MAS1: variants seen among roughly 807,000 people sequenced by gnomAD.
The protein encoded by MAS1 is MAS1 proto-oncogene, G protein-coupled receptor, also known as proto-oncogene Mas.
For synonymous variants in MAS1, 163 were observed against 164.2 expected, an observed-to-expected ratio of 0.99 and a Z score of 0.05; for missense variants, 387 against 409.7, an observed-to-expected ratio of 0.94 and a Z score of 0.48.
chr6:159,907,543 C>A lies in MAS1; in HGVS notation c.588C>A (p.Phe196Leu). The change falls in exon 3 of 3, where the codon TTC becomes TTA. Residue 196 changes from phenylalanine (F) to leucine (L), a missense_variant. Physicochemically the swap from Phe to Leu is conservative, Grantham distance 22. Coordinates refer to ENST00000674077, the MANE Select transcript of MAS1 (RefSeq NM_002377.4). ...AVIIFIAILS[F>L]LVFTPLMLVS... ...TCATCTTTATAGCCATCCTGAGCTTCCTGGTCTTCACGCCCCTCATGCTGG... is the reference window on the plus strand; with the variant it reads ...TCATCTTTATAGCCATCCTGAGCTTACTGGTCTTCACGCCCCTCATGCTGG... The A allele has an allele frequency of 1.1e-5, 18 of 1,614,058 alleles. No homozygotes were observed. Among genetic ancestry groups the A allele is most frequent in the Non-Finnish European group, 1.5e-5 (18 of 1,180,020 alleles).
At chr6:159,904,144 C>T (rs1480361398) in intron 2 of MAS1, among the ~76,000 whole-genome samples, 2 of 152,044 alleles carry the variant, frequency 1.3e-5, no homozygotes, top group Admixed American at 1.3e-4. Context: ...CTCCTTCTTC[C>T]TCCTCATCTC....
Position 159,891,144 on chromosome 6 carries a change from G to A in MAS1, c.-244+11G>A, listed in dbSNP as rs73586494. On this transcript the variant is annotated intron_variant, in intron 1 of 2. Coordinates refer to ENST00000674077, the MANE Select transcript of MAS1 (RefSeq NM_002377.4). Reference sequence around the variant, plus strand: ...GAGCAAATGACACCAGTGAGTCTGCGTCCCAGTTTTTCATTGCTTAGCTGT... The same window carrying A: ...GAGCAAATGACACCAGTGAGTCTGCATCCCAGTTTTTCATTGCTTAGCTGT... 8.1e-4 allele frequency among the ~76,000 whole-genome samples: 123 copies of A among 152,302 alleles called. 1 individual carries two copies. The highest frequency in any genetic ancestry group is 2.1e-3 in the African/African-American group (89 of 41,560).
At chr6:159,898,786 T>G (rs1020121869) in intron 1 of MAS1, among the ~76,000 whole-genome samples, 6 of 147,188 alleles carry the variant, frequency 4.1e-5, no homozygotes, top group African/African-American at 1.5e-4. Context: ...CCCTTCTCCC[T>G]TCTTCTCCTT....
chr6:159,895,679 C>A (rs1261954908), intron 1 of MAS1, among the ~76,000 whole-genome samples: 1 of 152,130 alleles, frequency 6.6e-6, no homozygotes, highest in Non-Finnish European at 1.5e-5. Context: ...TATCTTTTAT[C>A]ATCTATCAAA....
intron 2 of MAS1, among the ~76,000 whole-genome samples, chr6:159,901,557 C>G (rs551857187): frequency 6.6e-5 from 10 of 152,134 alleles, no homozygotes; most frequent in African/African-American, 1.7e-4. Context: ...TATGATTGCA[C>G]CATTGTACTC....
chr6:159,916,402 A>G lies in MAS1; in HGVS notation c.*8469A>G, dbSNP rs1783024751. ...TGAATTTCAGTTTGAGGAGATGAAA[A>G]TGTTCTGGGGATCTATTGCACAACA... is the stretch of plus-strand genomic sequence containing the variant. On this transcript the variant is annotated 3_prime_UTR_variant, in exon 3 of 3. Coordinates refer to ENST00000674077, the MANE Select transcript of MAS1 (RefSeq NM_002377.4). 6.6e-6 allele frequency: 1 copy of G among 152,150 alleles called. No individual in the cohort carries two copies. The highest frequency in any genetic ancestry group is 1.5e-5 in the Non-Finnish European group (1 of 68,036). The allele number at this position is 152,150 out of a possible 1,614,324, so 9.4% of individuals were successfully genotyped here. A position where few individuals can be genotyped will look rare whatever the true frequency, so the allele number is the denominator to read the frequency against.
At chr6:159,906,552 C>T (rs766947351) in intron 2 of MAS1, 16 of 162,418 alleles carry the variant, frequency 9.9e-5, no homozygotes, top group Non-Finnish European at 1.7e-4. Flanking sequence ...AAATGATTTT[C>T]AAAATGCCAT....
upstream of MAS1, among the ~76,000 whole-genome samples, chr6:159,889,590 G>A (rs1303927683): frequency 6.6e-6 from 1 of 152,094 alleles, no homozygotes; most frequent in Admixed American, 6.5e-5. Context: ...CTTCTTTTCT[G>A]CCTTGCAGTC....
Position 159,908,952 on chromosome 6 carries a change from C to G in MAS1, c.*1019C>G, listed in dbSNP as rs1163276640. 8 of 150,908 alleles carry G rather than the reference C, an allele frequency of 5.3e-5. No individual in the cohort carries two copies. The highest frequency in any genetic ancestry group is 1.2e-4 in the Non-Finnish European group (8 of 67,928). The allele number at this position is 150,908 out of a possible 1,614,324, so 9.3% of individuals were successfully genotyped here. ...TGCAGCCAAGTGCGGGTCTCTGCAC[C>G]TGTCTGCCTCCTCTCCTCCTGAGGC... is the stretch of plus-strand genomic sequence containing the variant. On this transcript the variant is annotated 3_prime_UTR_variant, in exon 3 of 3. Transcript: ENST00000674077.
Position 159,909,420 on chromosome 6 carries a change from G to C in MAS1, c.*1487G>C, listed in dbSNP as rs1032513155. 6 of 152,200 alleles carry C rather than the reference G, an allele frequency of 3.9e-5. No homozygotes were observed. The highest frequency in any genetic ancestry group is 7.3e-5 in the Non-Finnish European group (5 of 68,034). 9.4% of individuals were successfully genotyped at this position (152,200 alleles called of 1,614,324 possible). ...CTCTTCCTTTCTCAAAAGAAATGAT[G>C]TGGGGCAGCTTCGCTGGGGGAGAGG... On this transcript the variant is annotated 3_prime_UTR_variant, in exon 3 of 3. Coordinates refer to ENST00000674077, the MANE Select transcript of MAS1 (RefSeq NM_002377.4).
At chr6:159,890,402 G>A (rs138389050), upstream of MAS1, among the ~76,000 whole-genome samples, 77 of 152,278 alleles carry the variant, frequency 5.1e-4, no homozygotes, top group African/African-American at 1.7e-3. Flanking sequence ...CGCAGTCTGG[G>A]CATGGCCAAT....
chr6:159,895,617 A>G (rs1046569228), intron 1 of MAS1, among the ~76,000 whole-genome samples: 1 of 152,260 alleles, frequency 6.6e-6, no homozygotes, highest in South Asian at 2.1e-4. Flanking sequence ...CCGTTAACAT[A>G]AAAGAATGTC....
At chr6:159,895,654 C>T (rs1782747206) in intron 1 of MAS1, among the ~76,000 whole-genome samples, 1 of 151,904 alleles carries the variant, frequency 6.6e-6, no homozygotes, top group Non-Finnish European at 1.5e-5. Flanking sequence ...CAAATAAATG[C>T]AAATTAAAAC....
At chr6:159,893,910 A>G (rs1312972433) in intron 1 of MAS1, among the ~76,000 whole-genome samples, 1 of 152,046 alleles carries the variant, frequency 6.6e-6, no homozygotes, top group Non-Finnish European at 1.5e-5. Context: ...GGGACATACA[A>G]GATTATGGTA....
rs929286979 is a variant in MAS1, at chr6:159,907,760, T to G, written c.805T>G (p.Ser269Ala). Residue 269 changes from serine to alanine, a missense_variant, in exon 3 of 3, where the codon TCC becomes GCC. By Grantham distance (99) the Ser-to-Ala change is moderately conservative. Transcript: ENST00000674077. ...CCTACACCACATTTCCCTGCTCTTC[T>G]CCACAATCAACAGTAGCGCCAACCC... ...GNLHHISLLF[S>A]TINSSANPFI... 2.5e-6 allele frequency: 4 copies of G among 1,613,686 alleles called. No homozygotes were observed. The highest frequency in any genetic ancestry group is 3.4e-6 in the Non-Finnish European group (4 of 1,179,958).
At chr6:159,900,596 G>A (rs990143473) in intron 2 of MAS1, among the ~76,000 whole-genome samples, 1 of 152,158 alleles carries the variant, frequency 6.6e-6, no homozygotes, top group Non-Finnish European at 1.5e-5. Flanking sequence ...TAGTTTTAAT[G>A]GAATTTTTTA....
Position 159,911,328 on chromosome 6 carries a change from C to CCT in MAS1, c.*3395_*3396insCT, listed in dbSNP as rs1782961889. 2.1e-5 allele frequency: 2 copies of CCT among 94,532 alleles called. No individual in the cohort carries two copies. The highest frequency in any genetic ancestry group is 4.0e-5 in the Non-Finnish European group (2 of 50,426). 5.9% of individuals were successfully genotyped at this position (94,532 alleles called of 1,614,324 possible). ...TTCTTTTTTCTTTTCTTTTCTTTTC[C>CCT]TTTTTTTTTTTTTTTTTTTTTTTTG... On this transcript the variant is annotated 3_prime_UTR_variant, in exon 3 of 3. Coordinates refer to ENST00000674077, the MANE Select transcript of MAS1 (RefSeq NM_002377.4).
chr6:159,895,250 G>A (rs773509624), intron 1 of MAS1, among the ~76,000 whole-genome samples: 5 of 152,160 alleles, frequency 3.3e-5, no homozygotes, highest in Admixed American at 1.3e-4. Context: ...TCCAGGCTCT[G>A]CTGCTGCCTT....
Position 159,910,216 on chromosome 6 carries a change from T to A in MAS1, c.*2283T>A, listed in dbSNP as rs1459612127. On this transcript the variant is annotated 3_prime_UTR_variant, in exon 3 of 3. Transcript: ENST00000674077. Reference sequence around the variant, plus strand: ...AACTGAACGGGAAGGGTTTGTAGCATTCCTACTACAAAGATTCATGCACAG... The same window carrying A: ...AACTGAACGGGAAGGGTTTGTAGCAATCCTACTACAAAGATTCATGCACAG... 2.6e-5 allele frequency: 4 copies of A among 152,238 alleles called. No homozygotes were observed. Among genetic ancestry groups the A allele is most frequent in the Non-Finnish European group, 5.9e-5 (4 of 68,050 alleles). The allele number at this position is 152,238 out of a possible 1,614,324, so 9.4% of individuals were successfully genotyped here. A position where few individuals can be genotyped will look rare whatever the true frequency, so the allele number is the denominator to read the frequency against.
Sources: allele counts gnomAD v4.1 joint callset (sites outside exome capture counted in the v4.1 genomes callset), GRCh38; gene constraint gnomAD v4.1.1; transcripts MANE v1.5; gene names NCBI Gene and HGNC (gene_info 2026-07-23, HGNC 2026-07-21).